The following ZC3H6 variants were observed in gnomAD, a reference collection of about 807,000 sequenced individuals.
The protein encoded by ZC3H6 is zinc finger CCCH domain-containing protein 6.
Under a neutral mutation model 107.7 loss-of-function variants are expected in ZC3H6, and 40 were observed. The ratio of observed to expected loss-of-function variants is 0.37; its 90% CI spans 0.29 to 0.48. ZC3H6 has a LOEUF of 0.48. Ranked by LOEUF, ZC3H6 falls within the 20% of genes least tolerant of loss-of-function variation. The pLI, the probability that ZC3H6 is intolerant of heterozygous loss-of-function variation, is 0.98. For synonymous variants in ZC3H6, 493 were observed against 487.9 expected (o/e 1.01, Z -0.14); for missense variants, 1,267 against 1,410.4 (o/e 0.90, Z 1.63).
At chr2:112,296,276 C>G (rs542000141) in intron 1 of ZC3H6, among the ~76,000 whole-genome samples, 14 of 152,264 alleles carry the variant, frequency 9.2e-5, no homozygotes, top group African/African-American at 3.4e-4. Flanking sequence ...AGTGCATATA[C>G]ATGAAATCAT....
At chr2:112,309,486 G>A (rs1676555372) in intron 3 of ZC3H6, among the ~76,000 whole-genome samples, 1 of 152,048 alleles carries the variant, frequency 6.6e-6, no homozygotes, top group Non-Finnish European at 1.5e-5. Flanking sequence ...ATTTTCCAGT[G>A]TTAGGAGAAA....
chr2:112,289,470 G>A lies in ZC3H6; in HGVS notation c.33-10379G>A, dbSNP rs371174544. ...TTCCCAAGTAGCTGGGATTACAGGC[G>A]CCCGCAACCACGCCCAGCTGATTTA... On this transcript the variant is annotated intron_variant, in intron 1 of 11. Transcript: ENST00000409871. 2.1e-3 allele frequency among the ~76,000 whole-genome samples: 313 copies of A among 151,434 alleles called. 1 individual carries two copies. The highest frequency in any genetic ancestry group is 7.2e-3 in the African/African-American group (296 of 41,094).
At chr2:112,284,965 T>C (rs1157448689) in intron 1 of ZC3H6, among the ~76,000 whole-genome samples, 1 of 152,142 alleles carries the variant, frequency 6.6e-6, no homozygotes, top group Non-Finnish European at 1.5e-5. Context: ...AAATTAAATA[T>C]AGTCTTTAGA....
intron 1 of ZC3H6, among the ~76,000 whole-genome samples, chr2:112,277,575 C>T (rs1686450183): frequency 1.3e-5 from 2 of 152,050 alleles, no homozygotes; most frequent in African/African-American, 4.8e-5. Context: ...TTTTAAAATA[C>T]TGGTTTAGAG....
intron 1 of ZC3H6, among the ~76,000 whole-genome samples, chr2:112,298,896 C>T (rs1213997728): frequency 6.6e-6 from 1 of 152,088 alleles, no homozygotes. Context: ...GAGACAGATC[C>T]TTATGTGCCT....
At chr2:112,326,778 A>G (rs1676913400) in intron 11 of ZC3H6, among the ~76,000 whole-genome samples, 1 of 152,012 alleles carries the variant, frequency 6.6e-6, no homozygotes, top group Non-Finnish European at 1.5e-5. Context: ...ATGCCCAGCT[A>G]ATTTTTATAT....
In ZC3H6 at chr2:112,332,092, C is replaced by T; in HGVS notation, c.3174C>T (p.Ser1058=). 6.2e-7 allele frequency: 1 copy of T among 1,613,956 alleles called. No individual in the cohort carries two copies. Among genetic ancestry groups the T allele is most frequent in the Non-Finnish European group, 8.5e-7 (1 of 1,179,880 alleles). ...ACCCTAGGGATCACGGTTCATCATC[C>T]ACATCAGAGCTAGCAACAGCTTCTT... ...LYDPRDHGSS[S]TSELATASSG... is the part of the protein sequence containing the mutation. The change falls in exon 12 of 12, where the codon TCC becomes TCT. Residue 1058 remains serine, a synonymous_variant. Transcript: ENST00000409871.
Position 112,324,379 on chromosome 2 carries a change from C to T in ZC3H6, c.1568C>T (p.Pro523Leu), listed in dbSNP as rs533968350. 1.1e-5 allele frequency: 18 copies of T among 1,613,996 alleles called. No homozygotes were observed. The highest frequency in any genetic ancestry group is 7.7e-5 in the South Asian group (7 of 91,074). Residue 523 changes from proline to leucine, a missense_variant, in exon 10 of 12, where the codon CCT becomes CTT. Physicochemically the swap from Pro to Leu is moderately conservative, Grantham distance 98 (BLOSUM62 -3). Around this residue, in one of 3 missense-constraint regions of ZC3H6, gnomAD observed 925 missense variants for 1,025.7 expected, o/e 0.90. Coordinates refer to ENST00000409871, the MANE Select transcript of ZC3H6 (RefSeq NM_198581.3). ...AGCCCACCTTTACCACCTGGTCCAC[C>T]TGAAATTGTAGGTCCTCAAAATCAA... ...PQSPPLPPGPPEIVGPQNQAG... is the reference protein window; with the variant it reads ...PQSPPLPPGPLEIVGPQNQAG...
chr2:112,280,995 T>C (rs935488230), intron 1 of ZC3H6, among the ~76,000 whole-genome samples: 1 of 152,100 alleles, frequency 6.6e-6, no homozygotes, highest in Non-Finnish European at 1.5e-5. Context: ...AGCTTTTCAG[T>C]CATTTTCATT....
intron 11 of ZC3H6, among the ~76,000 whole-genome samples, chr2:112,329,289 A>G (rs1388851074): frequency 1.3e-5 from 2 of 152,180 alleles, no homozygotes; most frequent in Non-Finnish European, 2.9e-5. Flanking sequence ...GATTTTAAGT[A>G]TGCTTTATAA....
chr2:112,282,560 G>A (rs557654519), intron 1 of ZC3H6, among the ~76,000 whole-genome samples: 1 of 152,178 alleles, frequency 6.6e-6, no homozygotes, highest in Non-Finnish European at 1.5e-5. Flanking sequence ...AGATTGGTAA[G>A]TTTCCCAAGA....
At position 112,331,625 on chromosome 2, in the gene ZC3H6, C is replaced by T. The variant is rs1677033759; in HGVS notation, c.2707C>T (p.Pro903Ser). The change falls in exon 12 of 12, where the codon CCC becomes TCC. Residue 903 changes from proline to serine, a missense_variant. Physicochemically the swap from Pro to Ser is moderately conservative, Grantham distance 74. This residue lies in a region of ZC3H6 where 925 missense variants were observed against 1,025.7 expected (regional missense o/e 0.90). Coordinates refer to ENST00000409871, the MANE Select transcript of ZC3H6 (RefSeq NM_198581.3). ...AGTGTCTTCAATCAATTTACCTCTGCCCCCACTTATAGCTGACCAGAGGCT... is the reference window on the plus strand; with the variant it reads ...AGTGTCTTCAATCAATTTACCTCTGTCCCCACTTATAGCTGACCAGAGGCT... ...DPVSSINLPLPPLIADQRLNR... is the reference protein window; with the variant it reads ...DPVSSINLPLSPLIADQRLNR... 6.2e-7 allele frequency: 1 copy of T among 1,613,910 alleles called. No homozygotes were observed. The highest frequency in any genetic ancestry group is 2.2e-5 in the East Asian group (1 of 44,888).
intron 2 of ZC3H6, among the ~76,000 whole-genome samples, chr2:112,301,677 G>A (rs1399492688): frequency 6.6e-6 from 1 of 151,722 alleles, no homozygotes; most frequent in African/African-American, 2.4e-5. Context: ...ATTTTAAAAT[G>A]ACAAAAAATT....
intron 1 of ZC3H6, among the ~76,000 whole-genome samples, chr2:112,297,630 G>T (rs1676265843): frequency 6.6e-6 from 1 of 152,084 alleles, no homozygotes; most frequent in Non-Finnish European, 1.5e-5. Context: ...AAGTCAGTTT[G>T]TTTCTAGGAT....
intron 1 of ZC3H6, among the ~76,000 whole-genome samples, chr2:112,291,304 G>T (rs1034757916): frequency 1.3e-5 from 2 of 152,188 alleles, no homozygotes; most frequent in Non-Finnish European, 2.9e-5. Context: ...CACGATCTCA[G>T]TTCACTGCAA....
chr2:112,318,927 T>C (rs914712865), intron 7 of ZC3H6, among the ~76,000 whole-genome samples: 4 of 152,178 alleles, frequency 2.6e-5, no homozygotes, highest in Non-Finnish European at 5.9e-5. Context: ...TTTGATATGA[T>C]ACAGTAGAGA....
Position 112,339,996 on chromosome 2 carries a change from T to G in ZC3H6, c.*7508T>G, listed in dbSNP as rs1677214144. The G allele has an allele frequency of 6.6e-6, 1 of 152,208 alleles. No homozygotes were observed. The highest frequency in any genetic ancestry group is 2.4e-5 in the African/African-American group (1 of 41,436). 9.4% of individuals were successfully genotyped at this position (152,208 alleles called of 1,614,324 possible). ...CCAAGTTGCATACTGTTGTTGCAAG[T>G]TTCTGTAATTTTTTTCTGTATACCT... On this transcript the variant is annotated 3_prime_UTR_variant, in exon 12 of 12. Coordinates refer to ENST00000409871, the MANE Select transcript of ZC3H6 (RefSeq NM_198581.3).
chr2:112,323,058 C>T (rs532609409), intron 9 of ZC3H6, among the ~76,000 whole-genome samples, 156 bp downstream of exon 9: 50 of 152,140 alleles, frequency 3.3e-4, no homozygotes, highest in Middle Eastern at 3.2e-3. Context: ...CCTTTGTTTT[C>T]GGTTCCCACC....
At chr2:112,300,607 A>G (rs930297477) in intron 2 of ZC3H6, among the ~76,000 whole-genome samples, 8 of 152,240 alleles carry the variant, frequency 5.3e-5, no homozygotes, top group African/African-American at 1.2e-4. Flanking sequence ...TTCATTCTCT[A>G]CAGATACAGA....
Sources: gnomAD v4.1 joint callset for allele counts (sites outside exome capture counted in the v4.1 genomes callset) on GRCh38, gnomAD v4.1.1 for gene constraint, gnomAD v4.1.1 regional missense constraint, MANE v1.5 for transcripts, NCBI Gene and HGNC (gene_info 2026-07-23, HGNC 2026-07-21) for gene names.